ABCA3: variants seen among roughly 807,000 people sequenced by gnomAD.
ABCA3 encodes the protein phospholipid-transporting ATPase ABCA3.
In ABCA3, 88 loss-of-function variants were observed where a neutral mutation model predicts 172.8. That is an observed-to-expected ratio of 0.51 (90% CI 0.43 to 0.61). The LOEUF is 0.61. Ranked by LOEUF, ABCA3 falls within the 20% of genes least tolerant of loss-of-function variation. ABCA3 has a pLI of 0.00. For synonymous variants in ABCA3, 1,066 were observed against 983.8 expected, an observed-to-expected ratio of 1.08 and a Z score of -1.56; for missense variants, 2,164 against 2,301.0, an observed-to-expected ratio of 0.94 and a Z score of 1.22.
At chr16:2,315,716 T>C (rs1282274490) in intron 10 of ABCA3, among the ~76,000 whole-genome samples, 1 of 151,970 alleles carries the variant, frequency 6.6e-6, no homozygotes, top group Non-Finnish European at 1.5e-5. Context: ...CAGGCTGGAA[T>C]GCAGTGGTAC....
chr16:2,323,632 T>C lies in ABCA3; in HGVS notation c.504A>G (p.Thr168=), dbSNP rs147644885. Reference sequence around the variant, plus strand: ...CTGTCTCTTTCAGGAAAAAGGAGCCTGTTTGGGTCCACATGTAATTTCTCC... The same window carrying C: ...CTGTCTCTTTCAGGAAAAAGGAGCCCGTTTGGGTCCACATGTAATTTCTCC... The part of the protein sequence containing the change: ...YTRRNYMWTQ[T]GSFFLKETEG... The change falls in exon 7 of 33, where the codon ACA becomes ACG. Residue 168 remains threonine, a synonymous_variant. Transcript: ENST00000301732. 1.7e-5 allele frequency: 27 copies of C among 1,613,998 alleles called. No homozygotes were observed. The highest frequency in any genetic ancestry group is 2.1e-5 in the Non-Finnish European group (25 of 1,180,020).
chr16:2,293,534 G>T (rs2093675341), intron 18 of ABCA3, among the ~76,000 whole-genome samples: 1 of 149,134 alleles, frequency 6.7e-6, no homozygotes, highest in South Asian at 2.1e-4. Flanking sequence ...ACTACACGTG[G>T]CTAAGTTTTT....
rs1268333590 is a variant in ABCA3, at chr16:2,284,573, C to G, written c.3704-136G>C. 7.2e-7 allele frequency: 1 copy of G among 1,387,980 alleles called. No homozygotes were observed. The highest frequency in any genetic ancestry group is 1.0e-6 in the Non-Finnish European group (1 of 989,884). 86.0% of individuals were successfully genotyped at this position (1,387,980 alleles called of 1,614,324 possible). A position where few individuals can be genotyped will look rare whatever the true frequency, so the allele number is the denominator to read the frequency against. ...GGGGCACCTCCCAGGGACGCCCCTG[C>G]CGGCTCTGCACAGGGCAAGGACGCC... is the stretch of plus-strand genomic sequence containing the variant. On this transcript the variant is annotated intron_variant, in intron 24 of 32. Transcript: ENST00000301732. This position sits in a 1 kb window ranked among gnomAD's most constrained non-coding sequence, Gnocchi z 5.9.
At chr16:2,299,008 G>A (rs2093684582) in intron 14 of ABCA3, among the ~76,000 whole-genome samples, 1 of 151,938 alleles carries the variant, frequency 6.6e-6, no homozygotes, top group Admixed American at 6.5e-5. Context: ...GGTATTCACA[G>A]ACAGAGGCGG....
Position 2,284,141 on chromosome 16 carries a change from G to C in ABCA3, c.3862+138C>G. The C allele has an allele frequency of 8.8e-7, 1 of 1,135,992 alleles. No individual in the cohort carries two copies. Among genetic ancestry groups the C allele is most frequent in the Non-Finnish European group, 1.2e-6 (1 of 821,804 alleles). 70.4% of individuals were successfully genotyped at this position (1,135,992 alleles called of 1,614,324 possible). A position where few individuals can be genotyped will look rare whatever the true frequency, so the allele number is the denominator to read the frequency against. ...CGCGAGGGGGCTGCTGTGGGAGGTG[G>C]GGCAAGGCGGTACAGAGGAACGCAC... On this transcript the variant is annotated intron_variant, in intron 25 of 32. Coordinates refer to ENST00000301732, the MANE Select transcript of ABCA3 (RefSeq NM_001089.3). The surrounding 1 kb of genome is among the most constrained non-coding windows in gnomAD (Gnocchi z 5.9).
chr16:2,289,012 A>G (rs1326842190), intron 20 of ABCA3: 2 of 189,002 alleles, frequency 1.1e-5, no homozygotes, highest in Non-Finnish European at 2.2e-5. Flanking sequence ...TGGTCCTCCG[A>G]GACAGAGAGC....
At chr16:2,310,102 A>G (rs1038329068) in intron 10 of ABCA3, among the ~76,000 whole-genome samples, 39 of 152,242 alleles carry the variant, frequency 2.6e-4, no homozygotes, top group Admixed American at 2.3e-3. Flanking sequence ...ACAAGTCAAC[A>G]TACATTTATG....
Position 2,276,202 on chromosome 16 carries a change from G to GTGA in ABCA3, c.*469_*471dup, listed in dbSNP as rs1377678119. ...AGTCAGCAGCTTCCCTCCACTGACA[G>GTGA]TGATCTGCATGGTCCATTCCTGGCG... On this transcript the variant is annotated 3_prime_UTR_variant, in exon 33 of 33. Coordinates refer to ENST00000301732, the MANE Select transcript of ABCA3 (RefSeq NM_001089.3). 9.8e-6 allele frequency: 4 copies of GTGA among 407,352 alleles called. No homozygotes were observed. 25.2% of individuals were successfully genotyped at this position (407,352 alleles called of 1,614,324 possible).
Position 2,285,396 on chromosome 16 carries a change from C to T in ABCA3, c.3483+46G>A, listed in dbSNP as rs369961425. 22 of 1,565,630 alleles carry T rather than the reference C, an allele frequency of 1.4e-5. No homozygotes were observed. The African/African-American group carries it at 2.3e-4, about 16-fold the overall frequency. ...CTGCACAGGGGTCCCAGGGCAAGCCCTCTGCGGTCTGCAGGGGAACGGATC... is the reference window on the plus strand; with the variant it reads ...CTGCACAGGGGTCCCAGGGCAAGCCTTCTGCGGTCTGCAGGGGAACGGATC... On this transcript the variant is annotated intron_variant, in intron 23 of 32. Coordinates refer to ENST00000301732, the MANE Select transcript of ABCA3 (RefSeq NM_001089.3). The surrounding 1 kb of genome is among the most constrained non-coding windows in gnomAD (Gnocchi z 4.7).
At position 2,299,422 on chromosome 16, in the gene ABCA3, G is replaced by A. The variant is rs138939503; in HGVS notation, c.1722C>T (p.Thr574=). Residue 574 remains threonine, a synonymous_variant, in exon 14 of 33, where the codon ACC becomes ACT. Coordinates refer to ENST00000301732, the MANE Select transcript of ABCA3 (RefSeq NM_001089.3). The part of the protein sequence containing the change: ...LLGHNGAGKT[T]TLSMLTGLFP... ...CCTCACCTGTGAGCATGGAGAGGGT[G>A]GTGGTCTTCCCGGCACCGTTGTGGC... is the stretch of plus-strand genomic sequence containing the variant. The A allele has an allele frequency of 1.7e-4, 277 of 1,613,770 alleles. 1 individual carries two copies. In the African/African-American group the frequency reaches 3.3e-3, roughly 19 times the overall value.
At chr16:2,323,277 C>A in intron 7 of ABCA3, 4 of 576,488 alleles carry the variant, frequency 6.9e-6, no homozygotes. Flanking sequence ...ACTAGAAATA[C>A]CATTTGACCC....
chr16:2,308,781 G>A (rs1015120185), intron 10 of ABCA3, among the ~76,000 whole-genome samples, 158 bp from the exon 11 acceptor site: 4 of 152,112 alleles, frequency 2.6e-5, no homozygotes, highest in African/African-American at 9.7e-5. Context: ...CAGCACGGGG[G>A]GACACCAGGT....
chr16:2,306,871 T>C (rs1374608947), intron 11 of ABCA3, among the ~76,000 whole-genome samples: 3 of 151,402 alleles, frequency 2.0e-5, no homozygotes, highest in Admixed American at 6.6e-5. Flanking sequence ...AAAAATTAGC[T>C]GGGCACGGTG....
chr16:2,281,186 G>A lies in ABCA3; in HGVS notation c.4200C>T (p.Asp1400=). The change falls in exon 28 of 33, where the codon GAC becomes GAT. Residue 1400 remains aspartate (D), a synonymous_variant. Coordinates refer to ENST00000301732, the MANE Select transcript of ABCA3 (RefSeq NM_001089.3). The surrounding 1 kb of genome is among the most constrained non-coding windows in gnomAD (Gnocchi z 4.7). ...YEQRVPLLAV[D]RLSLAVQKGE... ...CTTTCTGCACCGCGAGGGAGAGCCT[G>A]TCCACGGCCAGGAGGGGCACCCGCT... The A allele has an allele frequency of 6.2e-7, 1 of 1,613,670 alleles. No individual in the cohort carries two copies. The highest frequency in any genetic ancestry group is 8.5e-7 in the Non-Finnish European group (1 of 1,180,014).
rs1356694141 is a variant in ABCA3, at chr16:2,284,566, G to A, written c.3704-129C>T. 4 of 1,396,226 alleles carry A rather than the reference G, an allele frequency of 2.9e-6. No homozygotes were observed. The highest frequency in any genetic ancestry group is 2.8e-5 in the African/African-American group (2 of 70,466). The allele number at this position is 1,396,226 out of a possible 1,614,324, so 86.5% of individuals were successfully genotyped here. On this transcript the variant is annotated intron_variant, in intron 24 of 32. Coordinates refer to ENST00000301732, the MANE Select transcript of ABCA3 (RefSeq NM_001089.3). This position sits in a 1 kb window ranked among gnomAD's most constrained non-coding sequence, Gnocchi z 5.9. Reference sequence around the variant, plus strand: ...GAGTGAGGGGGCACCTCCCAGGGACGCCCCTGCCGGCTCTGCACAGGGCAA... The same window carrying A: ...GAGTGAGGGGGCACCTCCCAGGGACACCCCTGCCGGCTCTGCACAGGGCAA...
rs776349377 is a variant in ABCA3, at chr16:2,297,778, G to A, written c.2040C>T (p.Ile680=). The A allele has an allele frequency of 5.0e-6, 8 of 1,612,220 alleles. No individual in the cohort carries two copies. The highest frequency in any genetic ancestry group is 2.2e-5 in the East Asian group (1 of 44,848). ...CCCACCGCCACACCTTGGAGCCTGCGATGAGGGCGATGCCGATGGAGAGCT... is the reference window on the plus strand; with the variant it reads ...CCCACCGCCACACCTTGGAGCCTGCAATGAGGGCGATGCCGATGGAGAGCT... The part of the protein sequence containing the change: ...RRKLSIGIAL[I]AGSKVLILDE... The change falls in exon 16 of 33, where the codon ATC becomes ATT. Residue 680 remains isoleucine, a synonymous_variant. Transcript: ENST00000301732. This position sits in a 1 kb window ranked among gnomAD's most constrained non-coding sequence, Gnocchi z 5.6.
rs1325384547 is a variant in ABCA3 at position 2,298,104 on chromosome 16, G to A, written c.1897-183C>T. ...GGAACCTCTCCTTGACGTAGCTGGG[G>A]AGATGCAGGGCTCCTGGCGGGAGGC... On this transcript the variant is annotated intron_variant, in intron 15 of 32. Coordinates refer to ENST00000301732, the MANE Select transcript of ABCA3 (RefSeq NM_001089.3). Among the ~76,000 whole-genome samples, 3 of 129,836 alleles carry A rather than the reference G, an allele frequency of 2.3e-5. 1 individual carries two copies. Among genetic ancestry groups the A allele is most frequent in the Admixed American group, 1.7e-4 (2 of 11,500 alleles). The allele number at this position is 129,836 out of a possible 152,430, so 85.2% of individuals were successfully genotyped here. A position where few individuals can be genotyped will look rare whatever the true frequency, so the allele number is the denominator to read the frequency against.
intron 3 of ABCA3, among the ~76,000 whole-genome samples, chr16:2,328,176 C>T (rs1237668955): frequency 6.6e-6 from 1 of 152,056 alleles, no homozygotes; most frequent in East Asian, 1.9e-4. Flanking sequence ...GAAATGAGAG[C>T]TTAGATCTGT....
At chr16:2,299,662 G>T in intron 13 of ABCA3, 130 bp from the exon 14 acceptor site, 1 of 1,457,962 alleles carries the variant, frequency 6.9e-7, no homozygotes, top group African/African-American at 1.4e-5. Context: ...GTGCAGAGGG[G>T]AGGGACGTTT....
Sources: allele counts gnomAD v4.1 joint callset (sites outside exome capture counted in the v4.1 genomes callset), GRCh38; gene constraint gnomAD v4.1.1; non-coding constraint Gnocchi (gnomAD v3.1); transcripts MANE v1.5; gene names NCBI Gene and HGNC (gene_info 2026-07-23, HGNC 2026-07-21).